TG: variants seen among roughly 807,000 people sequenced by gnomAD.
TG encodes the protein thyroglobulin, also known as thyroid hormones.
TG carries 270 observed loss-of-function variants against 324.7 expected under a neutral mutation model. That is an observed-to-expected ratio of 0.83 (90% CI 0.75 to 0.92). TG has a LOEUF of 0.92. TG is among the 40% of genes least tolerant of loss of function. TG has a pLI of 0.00. For synonymous variants in TG, 1,401 were observed against 1,327.0 expected, an observed-to-expected ratio of 1.06 and a Z score of -1.21; for missense variants, 3,591 against 3,456.4, an observed-to-expected ratio of 1.04 and a Z score of -0.98.
At chr8:132,966,936 C>T (rs974577242) in intron 30 of TG, among the ~76,000 whole-genome samples, 18 of 152,152 alleles carry the variant, frequency 1.2e-4, no homozygotes, top group East Asian at 3.8e-4. Flanking sequence ...TCCATCTATC[C>T]GTCCATTCAC....
At chr8:133,051,700 G>A (rs908276937) in intron 41 of TG, among the ~76,000 whole-genome samples, 4 of 152,178 alleles carry the variant, frequency 2.6e-5, no homozygotes, top group African/African-American at 9.7e-5. Context: ...TTGACACTGA[G>A]CGATACGTCT....
intron 43 of TG, chr8:133,102,656 T>C (rs978910536): frequency 8.0e-7 from 1 of 1,248,790 alleles, no homozygotes; most frequent in Non-Finnish European, 1.1e-6. Flanking sequence ...GTCGCTGTCA[T>C]GGGGAATTTC....
intron 29 of TG, 146 bp downstream of exon 29, chr8:132,963,220 A>G (rs1475961497): frequency 1.2e-6 from 1 of 837,708 alleles, no homozygotes. Flanking sequence ...TAACCCAATT[A>G]TCCAGCTCAT....
rs576490856 is a variant in TG at position 132,933,502 on chromosome 8, C to T, written c.4817-59C>T. ...GGGCAGGGGCAGGGGGATGTGTCTG[C>T]TCTGCCCTCAGCATCCCCCGGGAAA... On this transcript the variant is annotated intron_variant, in intron 23 of 47. Coordinates refer to ENST00000220616, the MANE Select transcript of TG (RefSeq NM_003235.5). The T allele has an allele frequency of 5.7e-5, 80 of 1,410,756 alleles. No individual in the cohort carries two copies. In the South Asian group the frequency reaches 8.4e-4, roughly 15 times the overall value. The allele number at this position is 1,410,756 out of a possible 1,614,324, so 87.4% of individuals were successfully genotyped here.
chr8:132,985,093 C>G (rs1295862933), intron 35 of TG, among the ~76,000 whole-genome samples: 1 of 152,154 alleles, frequency 6.6e-6, no homozygotes. Flanking sequence ...TTGGCCTGCT[C>G]TATGTGGGTT....
intron 16 of TG, among the ~76,000 whole-genome samples, chr8:132,906,149 G>A (rs1818646960): frequency 6.6e-6 from 1 of 152,196 alleles, no homozygotes; most frequent in African/African-American, 2.4e-5. Flanking sequence ...GGCAGTTCAG[G>A]CAGAAAATGA....
Position 133,011,803 on chromosome 8 carries a change from C to A in TG, c.6263-98C>A, listed in dbSNP as rs886168891. ...GGAATGGAGACCAAGAGGAGGATGC[C>A]CCTAAGGCTGCCTTTGGGGATATTG... is the stretch of plus-strand genomic sequence containing the variant. On this transcript the variant is annotated intron_variant, in intron 35 of 47. Transcript: ENST00000220616. The A allele has an allele frequency of 7.7e-5, 118 of 1,524,558 alleles. No homozygotes were observed. The African/African-American group carries it at 1.6e-3, about 20-fold the overall frequency. 94.4% of individuals were successfully genotyped at this position (1,524,558 alleles called of 1,614,324 possible).
At chr8:132,894,135 A>T (rs1354997957) in intron 11 of TG, among the ~76,000 whole-genome samples, 1 of 152,118 alleles carries the variant, frequency 6.6e-6, no homozygotes, top group African/African-American at 2.4e-5. Context: ...TTAATTCTCC[A>T]GCGAATCTAC....
intron 37 of TG, among the ~76,000 whole-genome samples, chr8:133,015,636 G>A (rs572366434): frequency 3.4e-4 from 51 of 152,228 alleles, no homozygotes; most frequent in African/African-American, 1.4e-4. Context: ...CTTTGCTCCC[G>A]CCTTTGGATG....
intron 41 of TG, chr8:133,058,936 G>A (rs977347088): frequency 4.7e-5 from 22 of 466,724 alleles, no homozygotes; most frequent in Admixed American, 1.8e-4. Context: ...GGGGTGGCTG[G>A]GTCTTGGCAT....
At chr8:132,873,667 A>G (rs894504546) in intron 5 of TG, among the ~76,000 whole-genome samples, 1 of 152,246 alleles carries the variant, frequency 6.6e-6, no homozygotes, top group Non-Finnish European at 1.5e-5. Flanking sequence ...ATAATACAAT[A>G]CAAGATACAA....
At chr8:133,084,406 C>T (rs938404064) in intron 41 of TG, among the ~76,000 whole-genome samples, 1 of 152,096 alleles carries the variant, frequency 6.6e-6, no homozygotes, top group Non-Finnish European at 1.5e-5. Flanking sequence ...TACTCATTGA[C>T]AATGGAAGGG....
intron 35 of TG, among the ~76,000 whole-genome samples, chr8:133,005,952 C>G (rs1450821884): frequency 6.6e-6 from 1 of 152,154 alleles, no homozygotes; most frequent in African/African-American, 2.4e-5. Context: ...CCCTCCTACT[C>G]CATCTTCTCC....
intron 41 of TG, chr8:133,040,390 C>A: frequency 2.3e-6 from 1 of 432,234 alleles, no homozygotes; most frequent in Non-Finnish European, 4.2e-6. Flanking sequence ...CAGTATCAAC[C>A]AAGCTTGGGT....
At chr8:133,088,799 T>C (rs1847022722) in intron 41 of TG, among the ~76,000 whole-genome samples, 1 of 152,206 alleles carries the variant, frequency 6.6e-6, no homozygotes, top group South Asian at 2.1e-4. Flanking sequence ...ACGAATTGTA[T>C]TAATTACTGT....
chr8:132,964,750 G>A, intron 29 of TG: 1 of 612,366 alleles, frequency 1.6e-6, no homozygotes, highest in Non-Finnish European at 2.9e-6. Context: ...TGTGGCTGTG[G>A]CCTTGGACAT....
chr8:132,867,395 G>A (rs1267714149), intron 1 of TG, among the ~76,000 whole-genome samples: 1 of 152,068 alleles, frequency 6.6e-6, no homozygotes, highest in Non-Finnish European at 1.5e-5. Context: ...TCCAAAGTCT[G>A]TGTCATCCAT....
Position 132,919,640 on chromosome 8 carries a change from G to C in TG, c.4528+115G>C, listed in dbSNP as rs1820845307. 4.8e-6 allele frequency: 7 copies of C among 1,460,686 alleles called. No homozygotes were observed. The East Asian group carries it at 9.1e-5, about 19-fold the overall frequency. The allele number at this position is 1,460,686 out of a possible 1,614,324, so 90.5% of individuals were successfully genotyped here. ...TTGGGACAGATAATTCTTTGTGCAG[G>C]GTTGGCCTGTGCTTGGTAGGATATT... On this transcript the variant is annotated intron_variant, in intron 21 of 47. Coordinates refer to ENST00000220616, the MANE Select transcript of TG (RefSeq NM_003235.5).
In TG at chr8:132,871,454, G is replaced by A. The variant is rs773137380; in HGVS notation, c.381G>A (p.Ala127=). ...LPQCQDSGDY[A]PVQCDVQQVQ... ...AGTGTCAGGATTCAGGGGACTACGC[G>A]CCTGTTCAGTGTGATGTGCAGCAGG... Residue 127 remains alanine (A), a synonymous_variant, in exon 4 of 48, where the codon GCG becomes GCA. Coordinates refer to ENST00000220616, the MANE Select transcript of TG (RefSeq NM_003235.5). The A allele has an allele frequency of 9.3e-6, 15 of 1,614,070 alleles. No homozygotes were observed. The highest frequency in any genetic ancestry group is 1.3e-5 in the African/African-American group (1 of 74,932).
Sources: gnomAD v4.1 joint callset for allele counts (sites outside exome capture counted in the v4.1 genomes callset) on GRCh38, gnomAD v4.1.1 for gene constraint, MANE v1.5 for transcripts, NCBI Gene and HGNC (gene_info 2026-07-23, HGNC 2026-07-21) for gene names.